CTNNA2: variants seen among roughly 807,000 people sequenced by gnomAD.
The protein encoded by CTNNA2 is catenin alpha 2.
In CTNNA2, 42 loss-of-function variants were observed where a neutral mutation model predicts 101.0. The ratio of observed to expected loss-of-function variants is 0.42; its 90% CI spans 0.32 to 0.54. The LOEUF is 0.54. Among genes scored for constraint, CTNNA2 ranks in the 20% least tolerant of loss-of-function variants. CTNNA2 has a pLI of 0.14. For missense variants in CTNNA2, 871 were observed against 1,223.1 expected (o/e 0.71, Z 4.29); for synonymous variants, 450 against 456.4 (o/e 0.99, Z 0.18).
chr2:80,626,479 G>C (rs1671695613), intron 18 of CTNNA2, among the ~76,000 whole-genome samples: 1 of 152,080 alleles, frequency 6.6e-6, no homozygotes, highest in African/African-American at 2.4e-5. Flanking sequence ...CCCTTCTTCA[G>C]TTTCCACTTT....
intron 3 of CTNNA2, among the ~76,000 whole-genome samples, chr2:79,314,884 G>A (rs984090601): frequency 6.6e-6 from 1 of 152,212 alleles, no homozygotes; most frequent in East Asian, 1.9e-4. Context: ...GTAGTGCCAT[G>A]AAGTCATCAT....
intron 7 of CTNNA2, among the ~76,000 whole-genome samples, chr2:80,208,579 T>C (rs970916239): frequency 6.6e-6 from 1 of 152,150 alleles, no homozygotes; most frequent in Non-Finnish European, 1.5e-5. Context: ...TGTTACCTTA[T>C]GGGAGTGATC....
intron 7 of CTNNA2, among the ~76,000 whole-genome samples, chr2:80,168,162 AAGGAGCAG>A: frequency 6.6e-6 from 1 of 152,216 alleles, no homozygotes; most frequent in South Asian, 2.1e-4. Context: ...TACCAGAGGA[AAGGAGCAG>A]AGGTATTTGT....
intron 7 of CTNNA2, among the ~76,000 whole-genome samples, chr2:80,008,025 A>T (rs182819443): frequency 6.6e-6 from 1 of 152,312 alleles, no homozygotes; most frequent in Admixed American, 6.5e-5. Context: ...TATGAACTGT[A>T]AAATTCTCTA....
At chr2:80,546,900 T>C (rs1238233344) in intron 11 of CTNNA2, among the ~76,000 whole-genome samples, 1 of 152,128 alleles carries the variant, frequency 6.6e-6, no homozygotes, top group Non-Finnish European at 1.5e-5. Context: ...CCCTTGGAAA[T>C]TCAAATTGGC....
chr2:79,703,742 A>C (rs1685162266), intron 2 of CTNNA2, among the ~76,000 whole-genome samples: 1 of 152,176 alleles, frequency 6.6e-6, no homozygotes, highest in Non-Finnish European at 1.5e-5. Flanking sequence ...AAATATTAGC[A>C]AAAAATTTTA....
At chr2:79,946,259 G>T (rs1268893941) in intron 7 of CTNNA2, among the ~76,000 whole-genome samples, 3 of 151,994 alleles carry the variant, frequency 2.0e-5, no homozygotes, top group African/African-American at 7.2e-5. Context: ...CTATCAGACT[G>T]GGAGCTGTTG....
chr2:80,006,433 C>CATTTG (rs1310032911), intron 7 of CTNNA2, among the ~76,000 whole-genome samples: 6 of 151,716 alleles, frequency 4.0e-5, no homozygotes, highest in Admixed American at 2.0e-4. Flanking sequence ...CCCTACAGCT[C>CATTTG]ATTTGTAAGA....
intron 7 of CTNNA2, among the ~76,000 whole-genome samples, chr2:79,982,253 TAC>T (rs574385727): frequency 0.026 from 2,345 of 88,568 alleles, 187 homozygotes; most frequent in African/African-American, 0.1. Context: ...TATGTATATG[TAC>T]ACACACACAT....
At position 79,772,590 on chromosome 2, in the gene CTNNA2, A is replaced by C. The variant is rs181155707; in HGVS notation, c.298+28008A>C. On this transcript the variant is annotated intron_variant, in intron 3 of 18. Coordinates refer to ENST00000402739, the MANE Select transcript of CTNNA2 (RefSeq NM_001282597.3). ...CATGAGAACATGGAATATTTATTTTAAGAGACAGGTTCTCTTCTGTTGCCC... is the reference window on the plus strand; with the variant it reads ...CATGAGAACATGGAATATTTATTTTCAGAGACAGGTTCTCTTCTGTTGCCC... Among the ~76,000 whole-genome samples, 4 of 152,254 alleles carry C rather than the reference A, an allele frequency of 2.6e-5. No homozygotes were observed. The East Asian group carries it at 7.8e-4, about 30-fold the overall frequency.
chr2:79,847,359 G>A (rs752504336), intron 3 of CTNNA2, among the ~76,000 whole-genome samples: 6 of 151,740 alleles, frequency 4.0e-5, no homozygotes, highest in Non-Finnish European at 7.4e-5. Context: ...CTTGATCTAT[G>A]TGGTGAAACC....
chr2:80,453,664 C>A (rs1243352983), intron 9 of CTNNA2, among the ~76,000 whole-genome samples: 3 of 152,166 alleles, frequency 2.0e-5, no homozygotes, highest in Non-Finnish European at 4.4e-5. Context: ...GAACATATAT[C>A]TGTTTGCGGG....
chr2:79,831,010 T>A (rs1258480182), intron 3 of CTNNA2, among the ~76,000 whole-genome samples: 1 of 152,188 alleles, frequency 6.6e-6, no homozygotes, highest in Non-Finnish European at 1.5e-5. Context: ...ATTACAAATA[T>A]GACATTGCCA....
intron 7 of CTNNA2, among the ~76,000 whole-genome samples, chr2:80,037,287 A>G (rs572367470): frequency 6.6e-6 from 1 of 152,252 alleles, no homozygotes; most frequent in South Asian, 2.1e-4. Context: ...TTTTTAACAC[A>G]ATAAGGTAAA....
intron 7 of CTNNA2, among the ~76,000 whole-genome samples, chr2:80,112,111 A>T (rs1367105378): frequency 1.3e-5 from 2 of 152,212 alleles, no homozygotes; most frequent in Non-Finnish European, 2.9e-5. Context: ...AGTTTCAAAT[A>T]ATAATAAGGA....
At chr2:79,624,391 G>A (rs987990288) in intron 1 of CTNNA2, among the ~76,000 whole-genome samples, 1 of 151,928 alleles carries the variant, frequency 6.6e-6, no homozygotes, top group Non-Finnish European at 1.5e-5. Flanking sequence ...CTTCAGTTGT[G>A]ATTCACCCAC....
chr2:80,555,683 C>T lies in CTNNA2; in HGVS notation c.1541-10C>T. 1 of 1,472,746 alleles carries T rather than the reference C, an allele frequency of 6.8e-7. No homozygotes were observed. Among genetic ancestry groups the T allele is most frequent in the Non-Finnish European group, 9.1e-7 (1 of 1,101,430 alleles). The allele number at this position is 1,472,746 out of a possible 1,614,324, so 91.2% of individuals were successfully genotyped here. On this transcript the variant is annotated splice_polypyrimidine_tract_variant and intron_variant, in intron 11 of 18. Transcript: ENST00000402739. ...AAAGTCATCTAAATGTGTATGTGTC[C>T]TCTCCATAGAAAATCACATCTTGGA...
chr2:80,200,522 T>C (rs1361016045), intron 7 of CTNNA2, among the ~76,000 whole-genome samples: 1 of 99,602 alleles, frequency 1.0e-5, no homozygotes, highest in Non-Finnish European at 1.9e-5. Flanking sequence ...TAAAGTGAGT[T>C]TGTTTGTTTG....
intron 3 of CTNNA2, among the ~76,000 whole-genome samples, chr2:79,327,121 A>G (rs2104414770): frequency 6.6e-6 from 1 of 152,316 alleles, no homozygotes; most frequent in East Asian, 1.9e-4. Flanking sequence ...CAGGACATCA[A>G]TTTCAGGGAA....
Sources: gnomAD v4.1 joint callset for allele counts (sites outside exome capture counted in the v4.1 genomes callset) on GRCh38, gnomAD v4.1.1 for gene constraint, MANE v1.5 for transcripts, NCBI Gene and HGNC (gene_info 2026-07-23, HGNC 2026-07-21) for gene names.